The following NDUFA10 variants were observed in gnomAD, a reference collection of about 807,000 sequenced individuals.
NDUFA10 encodes NADH dehydrogenase [ubiquinone] 1 alpha subcomplex subunit 10, mitochondrial.
In NDUFA10, 40 loss-of-function variants were observed where a neutral mutation model predicts 47.8. That is an observed-to-expected ratio of 0.84 (90% CI 0.65 to 1.09). NDUFA10 has a LOEUF of 1.09. NDUFA10 is among the 50% of genes least tolerant of loss of function. The pLI is 0.00. For missense variants in NDUFA10, 413 were observed against 451.1 expected, an observed-to-expected ratio of 0.92 and a Z score of 0.76; for synonymous variants, 183 against 172.2, an observed-to-expected ratio of 1.06 and a Z score of -0.49.
chr2:240,003,053 T>C (rs922636209), intron 8 of NDUFA10, among the ~76,000 whole-genome samples: 9 of 152,308 alleles, frequency 5.9e-5, no homozygotes, highest in Middle Eastern at 3.4e-3. Flanking sequence ...TCTCACTATA[T>C]TGCCCAGGCT....
chr2:240,024,009 C>T (rs1486208013), intron 1 of NDUFA10, among the ~76,000 whole-genome samples: 1 of 152,216 alleles, frequency 6.6e-6, no homozygotes, highest in African/African-American at 2.4e-5. Context: ...GCACGCAGAG[C>T]AACAAGGAGA....
intron 4 of NDUFA10, among the ~76,000 whole-genome samples, chr2:239,910,281 C>T (rs1693727292): frequency 6.6e-6 from 1 of 152,198 alleles, no homozygotes; most frequent in Admixed American, 6.5e-5. Flanking sequence ...TTCACTGCAG[C>T]ACTATTCACA....
chr2:239,980,818 C>T (rs903487230), intron 9 of NDUFA10, among the ~76,000 whole-genome samples: 1 of 152,198 alleles, frequency 6.6e-6, no homozygotes, highest in African/African-American at 2.4e-5. Context: ...CAGAGAGCCA[C>T]AAGACACGGC....
chr2:239,892,670 G>A (rs1280672775), exon 6 of NDUFA10: 6 of 152,254 alleles, frequency 3.9e-5, no homozygotes, highest in Non-Finnish European at 7.3e-5. Flanking sequence ...CCACGTCCTC[G>A]CTCTGTATCG....
At chr2:240,018,146 G>A (rs1331533686) in intron 4 of NDUFA10, among the ~76,000 whole-genome samples, 1 of 152,180 alleles carries the variant, frequency 6.6e-6, no homozygotes, top group Non-Finnish European at 1.5e-5. Flanking sequence ...GATGATGCTG[G>A]CAACTGGCAG....
At chr2:240,011,011 C>T (rs6437237) in intron 6 of NDUFA10, among the ~76,000 whole-genome samples, 76,634 of 151,898 alleles carry the variant, frequency 0.5, 19,426 homozygotes, top group East Asian at 0.67. Flanking sequence ...TTTAACTGGA[C>T]GTGAATGAGT....
rs1386689555 is a variant in NDUFA10 at position 239,985,543 on chromosome 2, G to C, written c.999+4531C>G. On this transcript the variant is annotated intron_variant, in intron 9 of 9. Transcript: ENST00000252711. ...CGAAGAATATGGTGCATGGTGAAAA[G>C]GTCCAACATATGACCAACTGGAACC... 2.0e-5 allele frequency among the ~76,000 whole-genome samples: 3 copies of C among 151,340 alleles called. No individual in the cohort carries two copies. In the East Asian group the frequency reaches 5.8e-4, roughly 29 times the overall value.
intron 4 of NDUFA10, among the ~76,000 whole-genome samples, chr2:239,900,837 A>G (rs1693531081): frequency 1.3e-5 from 2 of 152,266 alleles, no homozygotes; most frequent in African/African-American, 4.8e-5. Flanking sequence ...CAAAGCCTGG[A>G]GCCAGCAGAG....
At chr2:239,925,325 A>G (rs1694048525) in intron 4 of NDUFA10, among the ~76,000 whole-genome samples, 1 of 152,230 alleles carries the variant, frequency 6.6e-6, no homozygotes, top group Admixed American at 6.5e-5. Flanking sequence ...CTATAGAGAA[A>G]CAGAGAGAAA....
Position 239,959,572 on chromosome 2 carries a change from C to T in NDUFA10, c.*1546G>A. 1.0e-6 allele frequency: 1 copy of T among 985,484 alleles called. No homozygotes were observed. 61.0% of individuals were successfully genotyped at this position (985,484 alleles called of 1,614,324 possible). On this transcript the variant is annotated 3_prime_UTR_variant, in exon 10 of 10. Coordinates refer to ENST00000252711, the MANE Select transcript of NDUFA10 (RefSeq NM_004544.4). ...AAAACTTCAGCCACTTAAATCTCGA[C>T]TCCAATTCAAAACTCCTGGGAAACT... is the stretch of plus-strand genomic sequence containing the variant.
intron 8 of NDUFA10, among the ~76,000 whole-genome samples, chr2:240,001,323 C>A (rs1452713973): frequency 6.6e-6 from 1 of 152,204 alleles, no homozygotes; most frequent in African/African-American, 2.4e-5. Context: ...AATGTAAACA[C>A]ATCATGCATC....
At chr2:240,012,511 A>G (rs188132383) in intron 5 of NDUFA10, 1 of 152,334 alleles carries the variant, frequency 6.6e-6, no homozygotes, top group East Asian at 1.9e-4. Context: ...GGAAGAAAGA[A>G]ATGAATAGGC....
rs569898424 is a variant in NDUFA10, at chr2:239,987,160, A to G, written c.999+2914T>C. ...CATGAAGAGGGCCTATGGATTGGAC[A>G]GCAGTAACGTGTGATGCTCATGAAG... On this transcript the variant is annotated intron_variant, in intron 9 of 9. Transcript: ENST00000252711. This position sits in a 1 kb window ranked among gnomAD's most constrained non-coding sequence, Gnocchi z 4.8. Among the ~76,000 whole-genome samples, 1 of 152,302 alleles carries G rather than the reference A, an allele frequency of 6.6e-6. No homozygotes were observed. Among genetic ancestry groups the G allele is most frequent in the African/African-American group, 2.4e-5 (1 of 41,570 alleles).
intron 4 of NDUFA10, among the ~76,000 whole-genome samples, chr2:239,913,689 T>A (rs1693792453): frequency 6.6e-6 from 1 of 152,208 alleles, no homozygotes; most frequent in African/African-American, 2.4e-5. Context: ...CACTACAGGC[T>A]GAACCGGAAA....
rs1348162149 is a variant in NDUFA10, at chr2:239,960,743, C to T, written c.*375G>A. 6 of 1,194,812 alleles carry T rather than the reference C, an allele frequency of 5.0e-6. No homozygotes were observed. The East Asian group carries it at 3.2e-4, about 64-fold the overall frequency. 74.0% of individuals were successfully genotyped at this position (1,194,812 alleles called of 1,614,324 possible). Reference sequence around the variant, plus strand: ...CATAGACGTACGATGGGGAAATTCCCATGGAAACACTTTTATTTCTGGAAG... The same window carrying T: ...CATAGACGTACGATGGGGAAATTCCTATGGAAACACTTTTATTTCTGGAAG... On this transcript the variant is annotated 3_prime_UTR_variant, in exon 10 of 10. Coordinates refer to ENST00000252711, the MANE Select transcript of NDUFA10 (RefSeq NM_004544.4).
At chr2:240,021,494 C>T in intron 2 of NDUFA10, 82 bp from the exon 3 acceptor site, 1 of 1,266,428 alleles carries the variant, frequency 7.9e-7, no homozygotes, top group African/African-American at 1.5e-5. Context: ...CCAAAACACA[C>T]AGCCCGCCCG....
At chr2:239,894,152 T>TC (rs1693347311) in intron 5 of NDUFA10, among the ~76,000 whole-genome samples, 1 of 141,034 alleles carries the variant, frequency 7.1e-6, no homozygotes, top group Non-Finnish European at 1.5e-5. Context: ...GCCTCACTCC[T>TC]CCTGCCTCCT....
chr2:239,977,559 T>C (rs1695582001), intron 9 of NDUFA10, among the ~76,000 whole-genome samples: 1 of 152,126 alleles, frequency 6.6e-6, no homozygotes, highest in Admixed American at 6.5e-5. Flanking sequence ...CCGTGCCCCT[T>C]AAAGGCCAGT....
intron 4 of NDUFA10, among the ~76,000 whole-genome samples, chr2:239,950,895 T>C (rs573001388): frequency 6.6e-6 from 1 of 152,278 alleles, no homozygotes; most frequent in South Asian, 2.1e-4. Flanking sequence ...GGGCAATTGT[T>C]CCCACTGCTC....
Sources: gnomAD v4.1 joint callset for allele counts (sites outside exome capture counted in the v4.1 genomes callset) on GRCh38, gnomAD v4.1.1 for gene constraint, Gnocchi (gnomAD v3.1) non-coding constraint, MANE v1.5 for transcripts, NCBI Gene and HGNC (gene_info 2026-07-23, HGNC 2026-07-21) for gene names.